The following ME2 variants were observed in gnomAD, a reference collection of about 807,000 sequenced individuals.
ME2 encodes NAD-dependent malic enzyme, mitochondrial.
ME2 carries 60 observed loss-of-function variants against 73.7 expected under a neutral mutation model. The ratio of observed to expected loss-of-function variants is 0.81; its 90% confidence interval spans 0.66 to 1.01. The LOEUF (loss-of-function observed/expected upper bound fraction) is 1.01, where lower values mean the gene tolerates loss of function less well. ME2 is among the 50% of genes least tolerant of loss of function. ME2 has a pLI of 0.00. For synonymous variants in ME2, 199 were observed against 236.9 expected (o/e 0.84, Z 1.47); for missense variants, 594 against 705.5 (o/e 0.84, Z 1.79).
In ME2 at chr18:50,953,113, T is replaced by C. The variant is rs2144289736; in HGVS notation, c.*5929T>C. The C allele has an allele frequency of 6.6e-6, 1 of 151,752 alleles. No homozygotes were observed. Among genetic ancestry groups the C allele is most frequent in the African/African-American group, 2.4e-5 (1 of 41,318 alleles). 9.4% of individuals were successfully genotyped at this position (151,752 alleles called of 1,614,324 possible). The stretch of plus-strand genomic sequence containing the variant: ...TATTCTTTTTTTTTTTTTTTTTTCT[T>C]TTCTTTGAGACAGCCTTGCTCTGTC... On this transcript the variant is annotated 3_prime_UTR_variant, in exon 16 of 16. Coordinates refer to ENST00000321341, the MANE Select transcript of ME2 (RefSeq NM_002396.5).
rs1407680163 is a variant in ME2 at position 50,921,265 on chromosome 18, A to T, written c.1056+78A>T. 6 of 711,660 alleles carry T rather than the reference A, an allele frequency of 8.4e-6. No homozygotes were observed. In the Admixed American group the frequency reaches 2.1e-4, roughly 25 times the overall value. 44.1% of individuals were successfully genotyped at this position (711,660 alleles called of 1,614,324 possible). On this transcript the variant is annotated intron_variant, in intron 10 of 15. Coordinates refer to ENST00000321341, the MANE Select transcript of ME2 (RefSeq NM_002396.5). ...GATTTTTAAAATATTATTCCTTAAA[A>T]TCTTGTTTCTCATTGGAGTCTCCAA...
chr18:50,886,528 G>T (rs1326768091), intron 1 of ME2, among the ~76,000 whole-genome samples: 1 of 152,116 alleles, frequency 6.6e-6, no homozygotes, highest in Non-Finnish European at 1.5e-5. Flanking sequence ...ACAGGCGTGA[G>T]CCACTGCACC....
chr18:50,944,242 T>A (rs1345167131), intron 15 of ME2, among the ~76,000 whole-genome samples: 1 of 151,852 alleles, frequency 6.6e-6, no homozygotes, highest in African/African-American at 2.4e-5. Flanking sequence ...GAGAAATAAT[T>A]GGTATATCCA....
intron 1 of ME2, among the ~76,000 whole-genome samples, chr18:50,889,081 C>G (rs1306144679): frequency 6.6e-6 from 1 of 152,066 alleles, no homozygotes; most frequent in African/African-American, 2.4e-5. Flanking sequence ...CTATATTCAC[C>G]TTACTGATCT....
At chr18:50,899,307 G>C (rs1012618779) in intron 2 of ME2, among the ~76,000 whole-genome samples, 1 of 152,062 alleles carries the variant, frequency 6.6e-6, no homozygotes, top group Non-Finnish European at 1.5e-5. Context: ...TAACAACTAA[G>C]ACATGAAAAG....
In ME2 at chr18:50,950,475, T is replaced by TTCTTTTTTTC. The variant is rs1007741261; in HGVS notation, c.*3292_*3293insCTTTTTTTCT. 3 of 127,762 alleles carry TTCTTTTTTTC rather than the reference T, an allele frequency of 2.3e-5. No individual in the cohort carries two copies. The highest frequency in any genetic ancestry group is 1.6e-4 in the Admixed American group (2 of 12,516). The allele number at this position is 127,762 out of a possible 1,614,324, so 7.9% of individuals were successfully genotyped here. ...TGGGGCCTCAGATTCTGCTTTTTTT[T>TTCTTTTTTTC]TTTTTTTTTTTTTTTTTTTTAAACA... On this transcript the variant is annotated 3_prime_UTR_variant, in exon 16 of 16. Transcript: ENST00000321341.
In ME2 at chr18:50,950,997, C is replaced by T. The variant is rs963263488; in HGVS notation, c.*3813C>T. On this transcript the variant is annotated 3_prime_UTR_variant, in exon 16 of 16. Transcript: ENST00000321341. ...TTCATCTAGTTTTATTATGTTTTTA[C>T]AGGCTGTTTACAAGAACAAAAATAG... 2 of 152,152 alleles carry T rather than the reference C, an allele frequency of 1.3e-5. No individual in the cohort carries two copies. Among genetic ancestry groups the T allele is most frequent in the African/African-American group, 4.8e-5 (2 of 41,422 alleles). 9.4% of individuals were successfully genotyped at this position (152,152 alleles called of 1,614,324 possible). A position where few individuals can be genotyped will look rare whatever the true frequency, so the allele number is the denominator to read the frequency against.
chr18:50,894,223 G>A (rs1916675835), intron 1 of ME2, among the ~76,000 whole-genome samples: 1 of 152,158 alleles, frequency 6.6e-6, no homozygotes, highest in Non-Finnish European at 1.5e-5. Flanking sequence ...CTTGCAAACT[G>A]GAGTGTTTCA....
chr18:50,920,783 C>A (rs1200141213), intron 9 of ME2, 25 bp downstream of exon 9: 3 of 1,513,738 alleles, frequency 2.0e-6, no homozygotes, highest in Non-Finnish European at 2.7e-6. Flanking sequence ...CTTTTTGAAA[C>A]TTAAGCCTAT....
chr18:50,889,591 A>G (rs1285794819), intron 1 of ME2, among the ~76,000 whole-genome samples: 1 of 152,246 alleles, frequency 6.6e-6, no homozygotes, highest in African/African-American at 2.4e-5. Flanking sequence ...AAAATGGGCC[A>G]TGGTTAAAGA....
At chr18:50,913,890 C>CACACACACACACAT (rs1917224459) in intron 4 of ME2, among the ~76,000 whole-genome samples, 1 of 151,932 alleles carries the variant, frequency 6.6e-6, no homozygotes, top group Non-Finnish European at 1.5e-5. Context: ...CACACACACA[C>CACACACACACACAT]ATATGCTGTT....
At chr18:50,942,560 C>G (rs1430214012) in intron 15 of ME2, 2 of 219,930 alleles carry the variant, frequency 9.1e-6, no homozygotes, top group Non-Finnish European at 1.8e-5. Context: ...CAATCACTAT[C>G]TCTCTTTACT....
At chr18:50,927,146 C>T (rs1046876143) in intron 12 of ME2, among the ~76,000 whole-genome samples, 3 of 152,098 alleles carry the variant, frequency 2.0e-5, no homozygotes, top group Non-Finnish European at 4.4e-5. Flanking sequence ...GGGTTTTTTT[C>T]CTACCATTCT....
intron 3 of ME2, 103 bp downstream of exon 3, chr18:50,908,299 T>A: frequency 1.2e-6 from 1 of 805,930 alleles, no homozygotes; most frequent in Non-Finnish European, 1.9e-6. Flanking sequence ...CTTATATAAG[T>A]TTGTGTTTTG....
intron 3 of ME2, among the ~76,000 whole-genome samples, chr18:50,911,546 A>G (rs1425918949): frequency 6.6e-6 from 1 of 152,148 alleles, no homozygotes; most frequent in African/African-American, 2.4e-5. Flanking sequence ...TGAAAACAGG[A>G]AAGTCTAAAG....
chr18:50,890,027 C>T (rs963726925), intron 1 of ME2, among the ~76,000 whole-genome samples: 12 of 151,952 alleles, frequency 7.9e-5, no homozygotes, highest in Non-Finnish European at 1.2e-4. Flanking sequence ...AAATAATATT[C>T]ATTTAGCTGA....
chr18:50,905,231 C>T (rs1468993438), intron 2 of ME2, among the ~76,000 whole-genome samples: 1 of 151,930 alleles, frequency 6.6e-6, no homozygotes, highest in Non-Finnish European at 1.5e-5. Flanking sequence ...ATGAACCACC[C>T]ACCTAAGGCT....
chr18:50,916,514 T>A, intron 5 of ME2: 1 of 273,928 alleles, frequency 3.7e-6, no homozygotes. Flanking sequence ...GCCTTCTCAA[T>A]CTCCTTTTCT....
At chr18:50,906,927 C>A (rs1379017845) in intron 2 of ME2, among the ~76,000 whole-genome samples, 1 of 152,140 alleles carries the variant, frequency 6.6e-6, no homozygotes, top group East Asian at 1.9e-4. Flanking sequence ...TTCTAGAGTC[C>A]CGGTAATACC....
Sources: allele counts gnomAD v4.1 joint callset (sites outside exome capture counted in the v4.1 genomes callset), GRCh38; gene constraint gnomAD v4.1.1; transcripts MANE v1.5; gene names NCBI Gene and HGNC (gene_info 2026-07-23, HGNC 2026-07-21).